TANC1: variants seen among roughly 807,000 people sequenced by gnomAD.
TANC1 encodes the protein protein TANC1.
In TANC1, 77 loss-of-function variants were observed where a neutral mutation model predicts 149.7. That is an observed-to-expected ratio of 0.51 (90% CI 0.43 to 0.62). The LOEUF (loss-of-function observed/expected upper bound fraction) is 0.62. Among genes scored for constraint, TANC1 ranks in the 20% least tolerant of loss-of-function variants. TANC1 has a pLI of 0.00. For missense variants in TANC1, 1,985 were observed against 2,321.8 expected (o/e 0.85, Z 2.98); for synonymous variants, 854 against 925.0 (o/e 0.92, Z 1.39).
chr2:159,228,827 A>G lies in TANC1; in HGVS notation c.4082A>G (p.Lys1361Arg), dbSNP rs1224181417. Residue 1361 changes from lysine (K) to arginine (R), a missense_variant, in exon 26 of 27, where the codon AAG becomes AGG. By Grantham distance (26) the Lys-to-Arg change is conservative (BLOSUM62 2). Around this residue, in one of 3 missense-constraint regions of TANC1, gnomAD observed 920 missense variants for 994.7 expected, o/e 0.92. Transcript: ENST00000263635. ...GGCATGGCAGAGGAATTTGCTTCCAAGGCTCTCGAATTGAAGCCCAAGTCC... is the reference window on the plus strand; with the variant it reads ...GGCATGGCAGAGGAATTTGCTTCCAGGGCTCTCGAATTGAAGCCCAAGTCC... ...DFGMAEEFASKALELKPKSYE... is the reference protein window; with the variant it reads ...DFGMAEEFASRALELKPKSYE... 1 of 1,614,046 alleles carries G rather than the reference A, an allele frequency of 6.2e-7. No homozygotes were observed. Among genetic ancestry groups the G allele is most frequent in the Non-Finnish European group, 8.5e-7 (1 of 1,180,018 alleles).
intron 19 of TANC1, among the ~76,000 whole-genome samples, chr2:159,208,178 G>A (rs1050497208): frequency 6.6e-6 from 1 of 152,152 alleles, no homozygotes; most frequent in African/African-American, 2.4e-5. Flanking sequence ...CAGTTGATAC[G>A]TGTTGATACA....
At chr2:159,121,602 T>C (rs1318389887) in intron 4 of TANC1, among the ~76,000 whole-genome samples, 1 of 152,226 alleles carries the variant, frequency 6.6e-6, no homozygotes, top group Admixed American at 6.5e-5. Context: ...AGTGCTAGGA[T>C]TGTGAGCCAC....
chr2:159,215,457 G>T (rs2059283148), intron 19 of TANC1, among the ~76,000 whole-genome samples: 1 of 152,194 alleles, frequency 6.6e-6, no homozygotes, highest in Non-Finnish European at 1.5e-5. Flanking sequence ...TGTGACCAGA[G>T]GAGGTCACAA....
intron 3 of TANC1, among the ~76,000 whole-genome samples, chr2:159,086,429 T>A (rs2044863429): frequency 6.6e-6 from 1 of 152,016 alleles, no homozygotes; most frequent in African/African-American, 2.4e-5. Flanking sequence ...AGATCTGGGA[T>A]ATGGTCAGTT....
chr2:159,161,985 A>C (rs1233305800), intron 7 of TANC1, among the ~76,000 whole-genome samples: 2 of 152,274 alleles, frequency 1.3e-5, no homozygotes, highest in African/African-American at 4.8e-5. Context: ...GGAAGGCTTC[A>C]GCATTTATGT....
At chr2:159,150,626 C>A (rs940562863) in intron 7 of TANC1, 70 bp downstream of exon 7, 13 of 1,264,994 alleles carry the variant, frequency 1.0e-5, no homozygotes, top group African/African-American at 1.5e-5. Context: ...CAGGCACTTC[C>A]TCAGAGGGTT....
chr2:159,145,224 C>G (rs1464525910), intron 5 of TANC1, among the ~76,000 whole-genome samples: 1 of 152,108 alleles, frequency 6.6e-6, no homozygotes, highest in Non-Finnish European at 1.5e-5. Context: ...TTACAAAAAC[C>G]TATTTGAGGC....
chr2:159,097,593 T>C (rs752186107), intron 3 of TANC1, 44 bp from the exon 4 acceptor site: 32 of 1,459,904 alleles, frequency 2.2e-5, no homozygotes, highest in Non-Finnish European at 2.9e-5. Flanking sequence ...CATCAACTTA[T>C]AATGAATGGA....
chr2:159,090,424 A>G (rs1471363387), intron 3 of TANC1, among the ~76,000 whole-genome samples: 1 of 152,132 alleles, frequency 6.6e-6, no homozygotes, highest in Non-Finnish European at 1.5e-5. Context: ...TCCTGGCTGC[A>G]CAGTAAAATC....
chr2:159,180,249 T>G (rs2056341076), intron 14 of TANC1, among the ~76,000 whole-genome samples: 1 of 152,242 alleles, frequency 6.6e-6, no homozygotes, highest in South Asian at 2.1e-4. Flanking sequence ...CCAGGTTATT[T>G]AGCCAGACCA....
At chr2:159,042,028 A>G (rs2040683883) in intron 2 of TANC1, among the ~76,000 whole-genome samples, 1 of 152,144 alleles carries the variant, frequency 6.6e-6, no homozygotes, top group Non-Finnish European at 1.5e-5. Flanking sequence ...GGCTCAAATG[A>G]GATCTCAGCT....
chr2:159,063,914 A>C (rs2042451509), intron 2 of TANC1, among the ~76,000 whole-genome samples: 1 of 152,150 alleles, frequency 6.6e-6, no homozygotes, highest in Admixed American at 6.5e-5. Flanking sequence ...AATCGGGAGC[A>C]GCTCATGGAT....
At chr2:159,008,655 T>G (rs1354671491) in intron 2 of TANC1, among the ~76,000 whole-genome samples, 1 of 152,254 alleles carries the variant, frequency 6.6e-6, no homozygotes, top group Non-Finnish European at 1.5e-5. Context: ...ATGTATGTGG[T>G]ATGATTGATT....
At chr2:159,221,835 T>A (rs2059727952) in intron 22 of TANC1, among the ~76,000 whole-genome samples, 1 of 152,218 alleles carries the variant, frequency 6.6e-6, no homozygotes, top group African/African-American at 2.4e-5. Flanking sequence ...CTTGATAAAC[T>A]GAGAACCGTG....
intron 7 of TANC1, among the ~76,000 whole-genome samples, chr2:159,161,394 A>G (rs2054033679): frequency 1.3e-5 from 2 of 152,200 alleles, no homozygotes. Context: ...CTAACTTATT[A>G]CAATATGTCT....
intron 19 of TANC1, among the ~76,000 whole-genome samples, chr2:159,204,033 A>G (rs1460802659): frequency 1.3e-5 from 2 of 152,242 alleles, no homozygotes; most frequent in African/African-American, 2.4e-5. Flanking sequence ...ACATGTGGCT[A>G]TTGAGTACTT....
At chr2:159,175,242 G>C in intron 12 of TANC1, 58 bp downstream of exon 12, 1 of 1,450,612 alleles carries the variant, frequency 6.9e-7, no homozygotes, top group South Asian at 1.2e-5. Flanking sequence ...AGACACAGGT[G>C]GTCCCCAGAA....
Position 159,058,047 on chromosome 2 carries a change from C to T in TANC1, c.-15-7849C>T, listed in dbSNP as rs150475071. On this transcript the variant is annotated intron_variant, in intron 2 of 26. Transcript: ENST00000263635. Reference sequence around the variant, plus strand: ...CAGGGAACTCCTGCCTGTAAGTGAGCAGGAGCTCTCTGCAAGACTGAGCTC... The same window carrying T: ...CAGGGAACTCCTGCCTGTAAGTGAGTAGGAGCTCTCTGCAAGACTGAGCTC... Among the ~76,000 whole-genome samples the T allele has an allele frequency of 3.8e-3, 583 of 152,300 alleles. 2 individuals are homozygous for T. Among genetic ancestry groups the T allele is most frequent in the African/African-American group, 0.013 (529 of 41,568 alleles).
intron 6 of TANC1, 186 bp from the exon 7 acceptor site, chr2:159,150,184 C>T (rs879216265): frequency 2.1e-6 from 1 of 478,036 alleles, no homozygotes; most frequent in Admixed American, 3.7e-5. Flanking sequence ...ATTTGGAAGA[C>T]CACATATACA....
Sources: allele counts gnomAD v4.1 joint callset (sites outside exome capture counted in the v4.1 genomes callset), GRCh38; gene constraint gnomAD v4.1.1; regional missense constraint gnomAD v4.1.1; transcripts MANE v1.5; gene names NCBI Gene and HGNC (gene_info 2026-07-23, HGNC 2026-07-21).